Variants in TSR1 observed in about 807,000 individuals in gnomAD.
TSR1 encodes the protein pre-rRNA-processing protein TSR1 homolog.
TSR1 carries 81 observed loss-of-function variants against 90.9 expected under a neutral mutation model. That is an observed-to-expected ratio of 0.89 (90% CI 0.74 to 1.07). The LOEUF (loss-of-function observed/expected upper bound fraction) is 1.07, where lower values mean the gene tolerates loss of function less well. Ranked by LOEUF, TSR1 falls within the 50% of genes least tolerant of loss-of-function variation. The pLI is 0.00. For synonymous variants in TSR1, 362 were observed against 348.8 expected (o/e 1.04, Z -0.42); for missense variants, 989 against 987.3 (o/e 1.00, Z -0.02).
At chr17:2,330,115 C>G (rs2075596206) in intron 10 of TSR1, 1 of 375,800 alleles carries the variant, frequency 2.7e-6, no homozygotes, top group African/African-American at 2.1e-5. Flanking sequence ...GACAGGGTTC[C>G]TCCATGTTGG....
Position 2,323,607 on chromosome 17 carries a change from C to A in TSR1, c.*589G>T, listed in dbSNP as rs536759489. ...TCTCATCTGAACTTTATAGGTAAAC[C>A]AACTAGACTCCCCTTTCACTAATTC... On this transcript the variant is annotated 3_prime_UTR_variant, in exon 15 of 15. Coordinates refer to ENST00000301364, the MANE Select transcript of TSR1 (RefSeq NM_018128.5). The A allele has an allele frequency of 4.5e-5, 72 of 1,588,342 alleles. No individual in the cohort carries two copies. The African/African-American group carries it at 6.8e-4, about 15-fold the overall frequency.
chr17:2,324,904 A>G, intron 12 of TSR1, 75 bp from the exon 13 acceptor site: 1 of 1,510,830 alleles, frequency 6.6e-7, no homozygotes, highest in Non-Finnish European at 8.8e-7. Flanking sequence ...GTCCATTTAA[A>G]GACCCATGCA....
intron 12 of TSR1, 188 bp downstream of exon 12, chr17:2,325,116 C>T: frequency 6.6e-6 from 4 of 602,386 alleles, no homozygotes; most frequent in Non-Finnish European, 1.1e-5. Flanking sequence ...ACTGGCTATA[C>T]ACTGTTTCAC....
intron 12 of TSR1, 49 bp downstream of exon 12, chr17:2,325,255 C>G: frequency 7.5e-7 from 1 of 1,332,212 alleles, no homozygotes; most frequent in Non-Finnish European, 1.0e-6. Context: ...AAACGGTGTT[C>G]ATCTATTAAG....
Position 2,322,952 on chromosome 17 carries a change from A to G in TSR1, c.*1244T>C. The G allele has an allele frequency of 3.4e-6, 2 of 585,192 alleles. No individual in the cohort carries two copies. Among genetic ancestry groups the G allele is most frequent in the East Asian group, 2.9e-5 (1 of 33,946 alleles). The allele number at this position is 585,192 out of a possible 1,614,324, so 36.2% of individuals were successfully genotyped here. A position where few individuals can be genotyped will look rare whatever the true frequency, so the allele number is the denominator to read the frequency against. Reference sequence around the variant, plus strand: ...GCTGATTTTCCTATTTTTAGTTGACACTGCATTTCACCAGGTTGGCCAGGC... The same window carrying G: ...GCTGATTTTCCTATTTTTAGTTGACGCTGCATTTCACCAGGTTGGCCAGGC... On this transcript the variant is annotated 3_prime_UTR_variant, in exon 15 of 15. Coordinates refer to ENST00000301364, the MANE Select transcript of TSR1 (RefSeq NM_018128.5).
chr17:2,336,457 T>TGCTTCCGGGCCAGGACAAGC, upstream of TSR1: 3 of 1,601,986 alleles, frequency 1.9e-6, no homozygotes, highest in Non-Finnish European at 1.7e-6. Context: ...GAGTCAGCAC[T>TGCTTCCGGGCCAGGACAAGC]GCTTCCGGGC....
chr17:2,336,199 C>T (rs2064076260), intron 1 of TSR1, 59 bp from the exon 2 acceptor site: 3 of 1,601,436 alleles, frequency 1.9e-6, no homozygotes, highest in Admixed American at 3.3e-5. Flanking sequence ...AGAAAAGGGA[C>T]TCCTCTCCGC....
chr17:2,333,779 A>G (rs948886320), intron 5 of TSR1, 63 bp from the exon 6 acceptor site: 1 of 1,596,250 alleles, frequency 6.3e-7, no homozygotes, highest in African/African-American at 1.3e-5. Flanking sequence ...CTAACACAGT[A>G]ACCAGAAAGA....
intron 11 of TSR1, among the ~76,000 whole-genome samples, chr17:2,327,977 G>C (rs8080919): frequency 6.6e-6 from 1 of 151,448 alleles, no homozygotes; most frequent in African/African-American, 2.4e-5. Context: ...CTGGCCAGGC[G>C]CAGTGGCTCA....
rs1270706647 is a variant in TSR1, at chr17:2,323,327, C to A, written c.*869G>T. On this transcript the variant is annotated 3_prime_UTR_variant, in exon 15 of 15. Transcript: ENST00000301364. Reference sequence around the variant, plus strand: ...ACCTTGTGGATGATATCTTCACTGTCACAGAGGATGAAATTAAGGTGAGGC... The same window carrying A: ...ACCTTGTGGATGATATCTTCACTGTAACAGAGGATGAAATTAAGGTGAGGC... The A allele has an allele frequency of 2.5e-6, 4 of 1,613,930 alleles. No individual in the cohort carries two copies. Among genetic ancestry groups the A allele is most frequent in the Non-Finnish European group, 3.4e-6 (4 of 1,179,888 alleles).
chr17:2,332,003 G>A (rs1034891459), intron 8 of TSR1, among the ~76,000 whole-genome samples, 166 bp downstream of exon 8: 1 of 152,178 alleles, frequency 6.6e-6, no homozygotes, highest in Non-Finnish European at 1.5e-5. Context: ...AATTACATAT[G>A]ACCATTTCCC....
chr17:2,331,791 C>T (rs1326482557), intron 8 of TSR1, among the ~76,000 whole-genome samples: 1 of 152,200 alleles, frequency 6.6e-6, no homozygotes, highest in Non-Finnish European at 1.5e-5. Context: ...TGGCTTTAGT[C>T]ACTCACCTCC....
At position 2,332,374 on chromosome 17, in the gene TSR1, TAC is replaced by T. The variant is rs748409814; in HGVS notation, c.1306-17_1306-16del. ...CTACTCTCATCCTGTAGAATAGGAT[TAC>T]AGTTTTTTCAGAAGAAATCCACACC... On this transcript the variant is annotated splice_polypyrimidine_tract_variant and intron_variant, in intron 7 of 14. Coordinates refer to ENST00000301364, the MANE Select transcript of TSR1 (RefSeq NM_018128.5). 24 of 1,569,364 alleles carry T rather than the reference TAC, an allele frequency of 1.5e-5. No homozygotes were observed. Among genetic ancestry groups the T allele is most frequent in the Admixed American group, 4.2e-5 (2 of 47,906 alleles).
chr17:2,334,352 G>A (rs2064029411), intron 5 of TSR1, 120 bp downstream of exon 5: 10 of 1,055,942 alleles, frequency 9.5e-6, no homozygotes, highest in South Asian at 1.5e-5. Context: ...ACTGACTATT[G>A]CCTTACTTCA....
rs770469034 is a variant in TSR1 at position 2,334,692 on chromosome 17, A to G, written c.761T>C (p.Phe254Ser). The G allele has an allele frequency of 6.2e-6, 10 of 1,613,520 alleles. No individual in the cohort carries two copies. In the Admixed American group the frequency reaches 6.7e-5, roughly 11 times the overall value. Reference protein sequence around the residue: ...LAFRDRRAYLFAHAVDFVPSE... With the variant: ...LAFRDRRAYLSAHAVDFVPSE... ...AGGAACAAAATCAACAGCATGGGCA[A>G]ATAGGTAGGCCCGCCGATCTCGAAA... The change falls in exon 5 of 15, where the codon TTT (phenylalanine) becomes TCT (serine). Residue 254 changes from phenylalanine (F) to serine (S), a missense_variant. Coordinates refer to ENST00000301364, the MANE Select transcript of TSR1 (RefSeq NM_018128.5).
chr17:2,327,189 C>T (rs113706115), intron 11 of TSR1, among the ~76,000 whole-genome samples: 2 of 150,716 alleles, frequency 1.3e-5, no homozygotes, highest in African/African-American at 2.4e-5. Context: ...GGCCAAGGCA[C>T]GTGGATCACC....
At chr17:2,324,662 G>C in intron 13 of TSR1, 27 bp downstream of exon 13, 1 of 1,613,952 alleles carries the variant, frequency 6.2e-7, no homozygotes. Flanking sequence ...AAGGCAATCA[G>C]ATCCCATCCT....
intron 7 of TSR1, 30 bp downstream of exon 7, chr17:2,332,931 C>G: frequency 6.2e-7 from 1 of 1,603,578 alleles, no homozygotes; most frequent in Non-Finnish European, 8.5e-7. Flanking sequence ...GAGCTAGACA[C>G]AGAATTGGCC....
Position 2,336,401 on chromosome 17 carries a change from G to C in TSR1, c.27C>G (p.Leu9=). Residue 9 remains leucine (L), a synonymous_variant, in exon 1 of 15, where the codon CTC becomes CTG. Transcript: ENST00000301364. ...CTTTATGAGCTTTATTCTGCTGCTTGAGCGGGCCGGGGCGGTGGGCCGCCA... is the reference window on the plus strand; with the variant it reads ...CTTTATGAGCTTTATTCTGCTGCTTCAGCGGGCCGGGGCGGTGGGCCGCCA... The part of the protein sequence containing the change: MAAHRPGP[L]KQQNKAHKGG... 2 of 1,612,402 alleles carry C rather than the reference G, an allele frequency of 1.2e-6. No individual in the cohort carries two copies. The highest frequency in any genetic ancestry group is 1.7e-6 in the Non-Finnish European group (2 of 1,180,014).
Sources: allele counts gnomAD v4.1 joint callset (sites outside exome capture counted in the v4.1 genomes callset), GRCh38; gene constraint gnomAD v4.1.1; transcripts MANE v1.5; gene names NCBI Gene and HGNC (gene_info 2026-07-23, HGNC 2026-07-21).